The following UBN2 variants were observed in gnomAD, a reference collection of about 807,000 sequenced individuals.
The protein encoded by UBN2 is ubinuclein-2.
A neutral mutation model predicts 120.2 loss-of-function variants in UBN2; 35 were observed. The ratio of observed to expected loss-of-function variants is 0.29; its 90% confidence interval spans 0.22 to 0.39. The LOEUF (loss-of-function observed/expected upper bound fraction) is 0.39. Among genes scored for constraint, UBN2 ranks in the 10% least tolerant of loss-of-function variants. UBN2 has a pLI of 1.00. For missense variants in UBN2, 1,693 were observed against 1,663.2 expected (o/e 1.02, Z -0.31); for synonymous variants, 661 against 648.7 (o/e 1.02, Z -0.29).
In UBN2 at chr7:139,291,222, G is replaced by C. The variant is rs565914520; in HGVS notation, c.3670-2010G>C. Among the ~76,000 whole-genome samples, 9 of 151,676 alleles carry C rather than the reference G, an allele frequency of 5.9e-5. No individual in the cohort carries two copies. The East Asian group carries it at 1.7e-3, about 29-fold the overall frequency. Reference sequence around the variant, plus strand: ...CTAAAAATACAAAAATTAGCTGGGCGTGGTGGTGCACACCTGTAGTCCCAG... The same window carrying C: ...CTAAAAATACAAAAATTAGCTGGGCCTGGTGGTGCACACCTGTAGTCCCAG... On this transcript the variant is annotated intron_variant, in intron 15 of 17. Coordinates refer to ENST00000473989, the MANE Select transcript of UBN2 (RefSeq NM_173569.4).
chr7:139,249,006 A>G lies in UBN2; in HGVS notation c.562-2950A>G, dbSNP rs527246865. 4.2e-5 allele frequency among the ~76,000 whole-genome samples: 6 copies of G among 142,518 alleles called. No homozygotes were observed. The South Asian group carries it at 1.3e-3, about 31-fold the overall frequency. The allele number at this position is 142,518 out of a possible 152,430, so 93.5% of individuals were successfully genotyped here. A position where few individuals can be genotyped will look rare whatever the true frequency, so the allele number is the denominator to read the frequency against. ...ATATGTGTATATGTATATATTTATT[A>G]CATCTGTGTGTGTGTGTGTGTGTGT... On this transcript the variant is annotated intron_variant, in intron 2 of 17. Transcript: ENST00000473989.
chr7:139,246,678 C>T (rs1401152149), intron 2 of UBN2, among the ~76,000 whole-genome samples: 3 of 152,142 alleles, frequency 2.0e-5, no homozygotes, highest in African/African-American at 7.2e-5. Flanking sequence ...AATTGCATCA[C>T]CCCAGAAAAT....
chr7:139,234,967 A>G (rs1415429990), intron 1 of UBN2, among the ~76,000 whole-genome samples: 2 of 152,168 alleles, frequency 1.3e-5, no homozygotes, highest in African/African-American at 4.8e-5. Flanking sequence ...TTCACCTGAA[A>G]AAACAAAAAA....
chr7:139,275,969 A>T, intron 11 of UBN2, 128 bp from the exon 12 acceptor site: 2 of 728,300 alleles, frequency 2.7e-6, no homozygotes, highest in East Asian at 5.5e-5. Context: ...ATACTGTACC[A>T]TTATAACTTT....
chr7:139,231,563 C>A lies in UBN2; in HGVS notation c.79C>A (p.Arg27Ser). Residue 27 changes from arginine (R) to serine (S), a missense_variant, in exon 1 of 18, where the codon CGT becomes AGT. Physicochemically the swap from Arg to Ser is moderately radical, Grantham distance 110. Around this residue, in one of 5 missense-constraint regions of UBN2, gnomAD observed 663 missense variants for 591.2 expected, o/e 1.12. Coordinates refer to ENST00000473989, the MANE Select transcript of UBN2 (RefSeq NM_173569.4). The stretch of plus-strand genomic sequence containing the variant: ...CGAGGCCGAGTACCCGGGGCCCGAG[C>A]GTGAGCCCGAGTACCCCCGCGAGCC... Reference protein sequence around the residue: ...RREAEYPGPEREPEYPREPPR... With the variant: ...RREAEYPGPESEPEYPREPPR... 7.1e-7 allele frequency: 1 copy of A among 1,410,656 alleles called. No homozygotes were observed. Among genetic ancestry groups the A allele is most frequent in the Non-Finnish European group, 9.3e-7 (1 of 1,072,988 alleles). The allele number at this position is 1,410,656 out of a possible 1,614,324, so 87.4% of individuals were successfully genotyped here.
chr7:139,255,685 A>G (rs1030906254), intron 3 of UBN2, among the ~76,000 whole-genome samples: 1 of 152,088 alleles, frequency 6.6e-6, no homozygotes, highest in Non-Finnish European at 1.5e-5. Flanking sequence ...GAACCAAATG[A>G]TTCTTGTTCT....
At chr7:139,322,697 C>A in the UBN2 span, among the ~76,000 whole-genome samples, 18 of 149,978 alleles carry the variant, frequency 1.2e-4, no homozygotes, top group Admixed American at 4.0e-4. Context: ...CCACACCCAG[C>A]AAATTTTTGT....
At chr7:139,290,635 G>A (rs995707242) in intron 15 of UBN2, among the ~76,000 whole-genome samples, 2 of 152,212 alleles carry the variant, frequency 1.3e-5, no homozygotes, top group African/African-American at 4.8e-5. Context: ...AGATATTCAA[G>A]TGGAATTATT....
At chr7:139,232,065 G>C in intron 1 of UBN2, 113 bp downstream of exon 1, 1 of 1,059,268 alleles carries the variant, frequency 9.4e-7, no homozygotes, top group South Asian at 1.6e-5. Context: ...GTCGCCCCGA[G>C]GGTGGGGTGC....
rs1302983109 is a variant in UBN2, at chr7:139,305,411, T to C, written c.*7575T>C. On this transcript the variant is annotated 3_prime_UTR_variant, in exon 18 of 18. Transcript: ENST00000473989. ...CTGTGCAGGCCTGCTTTAGAAGACT[T>C]TACATCCCAGCAGAGGATTCAGGCA... 6.6e-6 allele frequency: 1 copy of C among 152,178 alleles called. No individual in the cohort carries two copies. Among genetic ancestry groups the C allele is most frequent in the Non-Finnish European group, 1.5e-5 (1 of 68,032 alleles). 9.4% of individuals were successfully genotyped at this position (152,178 alleles called of 1,614,324 possible).
chr7:139,259,168 C>T, intron 4 of UBN2, 99 bp from the exon 5 acceptor site: 1 of 1,510,518 alleles, frequency 6.6e-7, no homozygotes, highest in Non-Finnish European at 8.8e-7. Context: ...GTAATGCACA[C>T]TGACATTTGA....
At chr7:139,314,925 A>T in the UBN2 span, among the ~76,000 whole-genome samples, 116 of 151,798 alleles carry the variant, frequency 7.6e-4, no homozygotes, top group African/African-American at 2.7e-3. Flanking sequence ...ATGTTTTTGG[A>T]TGCATATATG....
At chr7:139,253,461 A>G (rs911543788) in intron 3 of UBN2, among the ~76,000 whole-genome samples, 8 of 152,228 alleles carry the variant, frequency 5.3e-5, no homozygotes, top group East Asian at 1.9e-4. Flanking sequence ...GAACCATGCA[A>G]TCTTAAAGAT....
intron 7 of UBN2, among the ~76,000 whole-genome samples, chr7:139,268,349 C>T (rs1472428519): frequency 6.6e-6 from 1 of 151,880 alleles, no homozygotes. Flanking sequence ...TTCCGCTTTC[C>T]TAAACAAACA....
chr7:139,280,074 G>A (rs993409076), intron 13 of UBN2, among the ~76,000 whole-genome samples: 6 of 152,112 alleles, frequency 3.9e-5, no homozygotes, highest in African/African-American at 1.4e-4. Context: ...GTAGTGACCC[G>A]GGGCCACTGG....
intron 1 of UBN2, among the ~76,000 whole-genome samples, chr7:139,232,874 T>G (rs1466877494): frequency 6.6e-6 from 1 of 152,212 alleles, no homozygotes; most frequent in Non-Finnish European, 1.5e-5. Context: ...ATGTTCGTAA[T>G]TGTAATTTTT....
At chr7:139,252,088 A>G (rs1796638367) in intron 3 of UBN2, 31 bp downstream of exon 3, 1 of 1,577,930 alleles carries the variant, frequency 6.3e-7, no homozygotes, top group South Asian at 1.1e-5. Context: ...ATAGCAGCAA[A>G]TTCATTGTTT....
At chr7:139,267,315 C>G (rs1458030981) in intron 7 of UBN2, among the ~76,000 whole-genome samples, 9 of 152,118 alleles carry the variant, frequency 5.9e-5, no homozygotes, top group Admixed American at 5.9e-4. Context: ...GGGAGGATCA[C>G]TTGAGCTGAG....
intron 16 of UBN2, 79 bp downstream of exon 16, chr7:139,293,542 G>C: frequency 2.6e-6 from 3 of 1,170,268 alleles, no homozygotes; most frequent in Non-Finnish European, 3.7e-6. Flanking sequence ...CTAATTAAGA[G>C]TAGTCCAGTT....
Sources: gnomAD v4.1 joint callset for allele counts (sites outside exome capture counted in the v4.1 genomes callset) on GRCh38, gnomAD v4.1.1 for gene constraint, gnomAD v4.1.1 regional missense constraint, MANE v1.5 for transcripts, NCBI Gene and HGNC (gene_info 2026-07-23, HGNC 2026-07-21) for gene names.